Variants in TPTE observed in about 807,000 individuals in gnomAD.
TPTE encodes transmembrane phosphatase with tensin homology, also known as putative tyrosine-protein phosphatase TPTE.
A neutral mutation model predicts 84.1 loss-of-function variants in TPTE; 59 were observed. That is an observed-to-expected ratio of 0.70 (90% CI 0.57 to 0.87). TPTE has a LOEUF of 0.87. TPTE is among the 40% of genes least tolerant of loss of function. The pLI, the probability that TPTE is intolerant of heterozygous loss-of-function variation, is 0.00. For missense variants in TPTE, 382 were observed against 659.6 expected (o/e 0.58, Z 4.61); for synonymous variants, 130 against 223.5 (o/e 0.58, Z 3.73).
chr21:10,583,967 A>G (rs1197978601), intron 17 of TPTE, among the ~76,000 whole-genome samples: 1 of 152,312 alleles, frequency 6.6e-6, no homozygotes, highest in Non-Finnish European at 1.5e-5. Context: ...TGGGTATTTT[A>G]GGTCATCTAT....
intron 17 of TPTE, among the ~76,000 whole-genome samples, chr21:10,588,631 T>A (rs1488841082): frequency 6.6e-6 from 1 of 152,310 alleles, no homozygotes; most frequent in African/African-American, 2.4e-5. Flanking sequence ...TCTCTTTCTC[T>A]CTAGGGCATG....
intron 17 of TPTE, among the ~76,000 whole-genome samples, chr21:10,579,665 A>C (rs1169685676): frequency 6.6e-6 from 1 of 152,312 alleles, no homozygotes; most frequent in African/African-American, 2.4e-5. Flanking sequence ...GGCTTATTTC[A>C]CTTAACATAA....
chr21:10,538,556 T>G, intron 3 of TPTE, 125 bp from the exon 4 acceptor site: 1 of 1,424,758 alleles, frequency 7.0e-7, no homozygotes. Flanking sequence ...AACCAAATAG[T>G]GCTATACACA....
chr21:10,558,423 T>A (rs1204460996), intron 8 of TPTE, among the ~76,000 whole-genome samples: 1 of 152,312 alleles, frequency 6.6e-6, no homozygotes, highest in Non-Finnish European at 1.5e-5. Flanking sequence ...TGTTATTTTT[T>A]GACTTTTTAG....
rs373828116 is a variant in TPTE at position 10,577,527 on chromosome 21, A to G, written c.856+7A>G. On this transcript the variant is annotated splice_region_variant and intron_variant, in intron 15 of 23. Coordinates refer to ENST00000618007, the MANE Select transcript of TPTE (RefSeq NM_199261.4). ...CGAGTCTACAATCTATGCAGTATGT[A>G]CATTACTCTATATTGTGCTACTGTA... 2.5e-6 allele frequency: 4 copies of G among 1,613,898 alleles called. No homozygotes were observed. Among genetic ancestry groups the G allele is most frequent in the Non-Finnish European group, 3.4e-6 (4 of 1,179,858 alleles).
chr21:10,576,022 C>T (rs1390904749), intron 14 of TPTE, among the ~76,000 whole-genome samples: 3 of 152,312 alleles, frequency 2.0e-5, no homozygotes, highest in Non-Finnish European at 4.4e-5. Context: ...TGTGGCAATT[C>T]CTCAAAGACC....
At chr21:10,523,413 T>C (rs2074020233) in intron 1 of TPTE, among the ~76,000 whole-genome samples, 1 of 152,246 alleles carries the variant, frequency 6.6e-6, no homozygotes. Context: ...ACTCCTCATC[T>C]AGCATTTGGT....
At chr21:10,576,838 C>CATATATAT (rs56285862) in intron 14 of TPTE, among the ~76,000 whole-genome samples, 692 of 135,618 alleles carry the variant, frequency 5.1e-3, no homozygotes, top group South Asian at 8.4e-3. Flanking sequence ...TACATATATA[C>CATATATAT]ATATATATAT....
intron 10 of TPTE, among the ~76,000 whole-genome samples, chr21:10,561,491 CA>C (rs201158290): frequency 0.17 from 15,691 of 94,926 alleles, 14 homozygotes; most frequent in African/African-American, 0.31. Flanking sequence ...GACTCCATCT[CA>C]AAAAAAAAAA....
chr21:10,565,743 A>T (rs2074906982), intron 10 of TPTE, among the ~76,000 whole-genome samples: 1 of 152,310 alleles, frequency 6.6e-6, no homozygotes, highest in African/African-American at 2.4e-5. Flanking sequence ...ATGTGCCAAG[A>T]ACGTACATTG....
chr21:10,545,970 A>T (rs2074460088), intron 7 of TPTE, among the ~76,000 whole-genome samples: 1 of 152,178 alleles, frequency 6.6e-6, no homozygotes, highest in East Asian at 1.9e-4. Flanking sequence ...ATATATGTAT[A>T]TATACACATA....
At chr21:10,552,141 A>G (rs1209528532) in intron 7 of TPTE, among the ~76,000 whole-genome samples, 1 of 152,306 alleles carries the variant, frequency 6.6e-6, no homozygotes, top group African/African-American at 2.4e-5. Context: ...TTTAACCAAT[A>G]AAGTAGTTTT....
At chr21:10,583,896 C>A (rs1317443753) in intron 17 of TPTE, among the ~76,000 whole-genome samples, 15 of 152,260 alleles carry the variant, frequency 9.9e-5, no homozygotes, top group Non-Finnish European at 2.9e-5. Context: ...AATAGCACAA[C>A]TATCTTACTG....
At chr21:10,582,548 C>G (rs533765114) in intron 17 of TPTE, among the ~76,000 whole-genome samples, 6 of 152,292 alleles carry the variant, frequency 3.9e-5, no homozygotes, top group African/African-American at 1.4e-4. Context: ...GAAGTGACAA[C>G]TTTGCGATAT....
chr21:10,543,014 CTTTT>C (rs1051322060), intron 6 of TPTE, among the ~76,000 whole-genome samples: 2 of 72,270 alleles, frequency 2.8e-5, no homozygotes, highest in African/African-American at 5.6e-5. Flanking sequence ...TGACTGTATT[CTTTT>C]TTTTTTTTTT....
At chr21:10,550,370 A>C (rs1240598563) in intron 7 of TPTE, among the ~76,000 whole-genome samples, 2 of 152,300 alleles carry the variant, frequency 1.3e-5, no homozygotes, top group South Asian at 2.1e-4. Context: ...ACATAGACTG[A>C]TAATAAAGGG....
In TPTE at chr21:10,537,403, C is replaced by G. The variant is rs553821808; in HGVS notation, c.-43-1278C>G. ...GAGACAGAAATAATATAGAGGCTGGCCGTGGTGGCTCACGCCTGTAATCCC... is the reference window on the plus strand; with the variant it reads ...GAGACAGAAATAATATAGAGGCTGGGCGTGGTGGCTCACGCCTGTAATCCC... On this transcript the variant is annotated intron_variant, in intron 3 of 23. Transcript: ENST00000618007. 2.0e-5 allele frequency among the ~76,000 whole-genome samples: 3 copies of G among 152,418 alleles called. No individual in the cohort carries two copies. In the East Asian group the frequency reaches 5.8e-4, roughly 29 times the overall value.
chr21:10,600,773 T>C (rs1281580398), intron 21 of TPTE, among the ~76,000 whole-genome samples: 2 of 152,312 alleles, frequency 1.3e-5, no homozygotes, highest in African/African-American at 4.8e-5. Context: ...TGGGTGCCAT[T>C]ATTTCTATGA....
At chr21:10,526,578 T>C (rs1214820175) in intron 2 of TPTE, among the ~76,000 whole-genome samples, 15 of 152,302 alleles carry the variant, frequency 9.8e-5, no homozygotes, top group African/African-American at 3.4e-4. Context: ...CTTAAACTTA[T>C]TTAAACGTTT....
Sources: gnomAD v4.1 joint callset for allele counts (sites outside exome capture counted in the v4.1 genomes callset) on GRCh38, gnomAD v4.1.1 for gene constraint, MANE v1.5 for transcripts, NCBI Gene and HGNC (gene_info 2026-07-23, HGNC 2026-07-21) for gene names.